Variants in NID1 observed in about 807,000 individuals in gnomAD.
NID1 encodes nidogen 1, also known as nidogen-1.
A neutral mutation model predicts 130.6 loss-of-function variants in NID1; 76 were observed. The observed-to-expected ratio is 0.58, with a 90% CI of 0.48 to 0.70. NID1 has a LOEUF of 0.70. NID1 is among the 30% of genes least tolerant of loss of function. NID1 has a pLI of 0.00. For synonymous variants in NID1, 665 were observed against 675.1 expected (o/e 0.98, Z 0.23); for missense variants, 1,517 against 1,664.8 (o/e 0.91, Z 1.54).
At chr1:235,999,970 T>C (rs1456467615) in intron 12 of NID1, among the ~76,000 whole-genome samples, 1 of 152,058 alleles carries the variant, frequency 6.6e-6, no homozygotes, top group African/African-American at 2.4e-5. Context: ...TCCCAGCGCT[T>C]TGGGAGGCTG....
At position 236,048,845 on chromosome 1, in the gene NID1, C is replaced by T. The variant is rs200384822; in HGVS notation, c.370G>A (p.Glu124Lys). 3.1e-6 allele frequency: 5 copies of T among 1,614,148 alleles called. No individual in the cohort carries two copies. Among genetic ancestry groups the T allele is most frequent in the Admixed American group, 3.3e-5 (2 of 60,008 alleles). The change falls in exon 2 of 20, where the codon GAA (glutamate) becomes AAA (lysine). Residue 124 changes from glutamate to lysine, a missense_variant. Coordinates refer to ENST00000264187, the MANE Select transcript of NID1 (RefSeq NM_002508.3). ...TDGLGKVYYREDLSPSITQRA... is the reference protein window; with the variant it reads ...TDGLGKVYYRKDLSPSITQRA... ...TGAGTGATGGAGGGGGATAAGTCTT[C>T]TCGATAATAAACCTTCCCCAGGCCA...
intron 12 of NID1, among the ~76,000 whole-genome samples, chr1:236,002,588 C>T (rs967723465): frequency 6.6e-5 from 10 of 152,186 alleles, no homozygotes; most frequent in South Asian, 2.1e-4. Flanking sequence ...GCAGCCTAGG[C>T]GCAGTGGCTG....
At chr1:236,009,056 C>T (rs767432749) in intron 12 of NID1, among the ~76,000 whole-genome samples, 13 of 152,140 alleles carry the variant, frequency 8.5e-5, no homozygotes, top group South Asian at 2.1e-4. Flanking sequence ...ACATTAGAAA[C>T]GCAGACGCAG....
At position 235,979,522 on chromosome 1, in the gene NID1, TG is replaced by T. The variant is rs1657368853; in HGVS notation, c.3509+299del. Reference sequence around the variant, plus strand: ...GGCCACGTGACCCTGGGCCAACTCCTGGGGAAAGAACAGACGTGCTGAGGAA... The same window carrying T: ...GGCCACGTGACCCTGGGCCAACTCCTGGGAAAGAACAGACGTGCTGAGGAA... On this transcript the variant is annotated intron_variant, in intron 18 of 19. Transcript: ENST00000264187. The surrounding 1 kb of genome is among the most constrained non-coding windows in gnomAD (Gnocchi z 4.6). Among the ~76,000 whole-genome samples the T allele has an allele frequency of 6.6e-6, 1 of 152,182 alleles. No individual in the cohort carries two copies. Among genetic ancestry groups the T allele is most frequent in the Non-Finnish European group, 1.5e-5 (1 of 68,030 alleles).
rs1659690355 is a variant in NID1 at position 236,048,943 on chromosome 1, T to G, written c.272A>C (p.Glu91Ala). ...IIATSEPPAK[E>A]SHPGLFPPTF... is the part of the protein sequence containing the mutation. ...TGGTGGGAAGAGCCCGGGATGGGAT[T>G]CTTTGGCCGGGGGTTCACTCGTAGC... The change falls in exon 2 of 20, where the codon GAA becomes GCA. Residue 91 changes from glutamate (E) to alanine (A), a missense_variant. Glu to Ala is a moderately radical substitution (Grantham distance 107). Transcript: ENST00000264187. 3 of 1,614,100 alleles carry G rather than the reference T, an allele frequency of 1.9e-6. No individual in the cohort carries two copies. The highest frequency in any genetic ancestry group is 2.5e-6 in the Non-Finnish European group (3 of 1,179,996).
chr1:236,046,473 G>A (rs1346039739), intron 2 of NID1, among the ~76,000 whole-genome samples: 1 of 152,070 alleles, frequency 6.6e-6, no homozygotes, highest in Non-Finnish European at 1.5e-5. Context: ...CCCATGCCAG[G>A]AGGCTGTGGT....
chr1:236,030,168 G>A (rs1056487234), intron 6 of NID1, among the ~76,000 whole-genome samples: 2 of 152,138 alleles, frequency 1.3e-5, no homozygotes, highest in Admixed American at 1.3e-4. Context: ...TGCCAGTTAC[G>A]GTGATGAATA....
chr1:235,982,127 G>A (rs1235333790), intron 15 of NID1, among the ~76,000 whole-genome samples: 2 of 152,188 alleles, frequency 1.3e-5, no homozygotes, highest in Non-Finnish European at 2.9e-5. Flanking sequence ...CCCCAGCCTG[G>A]GGAGAACAGG....
At chr1:236,028,421 T>TG (rs1659000100) in intron 7 of NID1, among the ~76,000 whole-genome samples, 1 of 152,078 alleles carries the variant, frequency 6.6e-6, no homozygotes, top group African/African-American at 2.4e-5. Context: ...GGTGGGAGGC[T>TG]CACTTGAGCC....
At position 235,977,421 on chromosome 1, in the gene NID1, T is replaced by A. The variant is rs910682520; in HGVS notation, c.*446A>T. On this transcript the variant is annotated 3_prime_UTR_variant, in exon 20 of 20. Transcript: ENST00000264187. ...GCTAATTTCCTCCTTAACTCCCAAC[T>A]TTTCCTAGTCAGGCCCCGGCTCATA... 1 of 157,614 alleles carries A rather than the reference T, an allele frequency of 6.3e-6. No individual in the cohort carries two copies. Among genetic ancestry groups the A allele is most frequent in the Admixed American group, 6.1e-5 (1 of 16,524 alleles). The allele number at this position is 157,614 out of a possible 1,614,324, so 9.8% of individuals were successfully genotyped here. A position where few individuals can be genotyped will look rare whatever the true frequency, so the allele number is the denominator to read the frequency against.
intron 1 of NID1, among the ~76,000 whole-genome samples, chr1:236,058,320 C>A (rs1221484752): frequency 6.6e-6 from 1 of 152,090 alleles, no homozygotes; most frequent in Non-Finnish European, 1.5e-5. Flanking sequence ...AACTAAATGC[C>A]CCTTTACAGA....
rs1233154008 is a variant in NID1 at position 236,024,100 on chromosome 1, C to T, written c.2098G>A (p.Gly700Ser). The T allele has an allele frequency of 5.6e-6, 9 of 1,614,206 alleles. No individual in the cohort carries two copies. Among genetic ancestry groups the T allele is most frequent in the South Asian group, 1.1e-5 (1 of 91,084 alleles). Reference sequence around the variant, plus strand: ...CAGGTTCGCCCGTCTCCTCGGAAGCCGATGGAGCACTCGCAGGTGAACTGT... The same window carrying T: ...CAGGTTCGCCCGTCTCCTCGGAAGCTGATGGAGCACTCGCAGGTGAACTGT... ...RTQFTCECSI[G>S]FRGDGRTCYD... The change falls in exon 9 of 20, where the codon GGC becomes AGC. Residue 700 changes from glycine (G) to serine (S), a missense_variant. By Grantham distance (56) the Gly-to-Ser change is moderately conservative. Coordinates refer to ENST00000264187, the MANE Select transcript of NID1 (RefSeq NM_002508.3).
In NID1 at chr1:236,025,963, G is replaced by T. The variant is rs767535442; in HGVS notation, c.1917C>A (p.Phe639Leu). The T allele has an allele frequency of 1.2e-6, 2 of 1,612,612 alleles. No homozygotes were observed. The highest frequency in any genetic ancestry group is 2.2e-5 in the South Asian group (2 of 90,954). Residue 639 changes from phenylalanine to leucine, a missense_variant, in exon 8 of 20, where the codon TTC (phenylalanine) becomes TTA (leucine). Coordinates refer to ENST00000264187, the MANE Select transcript of NID1 (RefSeq NM_002508.3). The stretch of plus-strand genomic sequence containing the variant: ...TCTTCTCCTCCTGGTTGTACAGGAC[G>T]AACACGCTGTCCACCGAGAGCTGCT... ...STQQLSVDSV[F>L]VLYNQEEKIL...
At chr1:236,023,058 C>CAAAAA (rs36037520) in intron 9 of NID1, among the ~76,000 whole-genome samples, 3 of 138,492 alleles carry the variant, frequency 2.2e-5, no homozygotes, top group Non-Finnish European at 3.1e-5. Context: ...GACGCCATCT[C>CAAAAA]AAAAAAAAAA....
At chr1:236,030,167 C>T (rs935290811) in intron 6 of NID1, among the ~76,000 whole-genome samples, 4 of 152,158 alleles carry the variant, frequency 2.6e-5, no homozygotes, top group African/African-American at 7.2e-5. Context: ...ATGCCAGTTA[C>T]GGTGATGAAT....
At position 235,978,008 on chromosome 1, in the gene NID1, G is replaced by A; in HGVS notation, c.3623-20C>T. ...TATGGCCTGGAAAAGGCAGAAATCAGTTCAATAGCCCTCTCTCTGATCTGA... is the reference window on the plus strand; with the variant it reads ...TATGGCCTGGAAAAGGCAGAAATCAATTCAATAGCCCTCTCTCTGATCTGA... On this transcript the variant is annotated intron_variant, in intron 19 of 19. Coordinates refer to ENST00000264187, the MANE Select transcript of NID1 (RefSeq NM_002508.3). 1 of 1,613,046 alleles carries A rather than the reference G, an allele frequency of 6.2e-7. No homozygotes were observed. The highest frequency in any genetic ancestry group is 8.5e-7 in the Non-Finnish European group (1 of 1,179,498).
chr1:235,991,069 G>A lies in NID1; in HGVS notation c.2756-11C>T. On this transcript the variant is annotated splice_polypyrimidine_tract_variant and intron_variant, in intron 13 of 19. Transcript: ENST00000264187. Reference sequence around the variant, plus strand: ...CCACTGTACTCAGACCTGCATGGCAGAGGGGGTCAGTGAGGGAGGCCCGTG... The same window carrying A: ...CCACTGTACTCAGACCTGCATGGCAAAGGGGGTCAGTGAGGGAGGCCCGTG... 4 of 1,564,860 alleles carry A rather than the reference G, an allele frequency of 2.6e-6. No individual in the cohort carries two copies. The highest frequency in any genetic ancestry group is 3.5e-6 in the Non-Finnish European group (4 of 1,158,070).
chr1:235,990,200 A>T (rs967978411), intron 14 of NID1, among the ~76,000 whole-genome samples: 1 of 152,256 alleles, frequency 6.6e-6, no homozygotes, highest in Admixed American at 6.5e-5. Flanking sequence ...TAGAAAAAGA[A>T]GAAAACACAA....
intron 12 of NID1, among the ~76,000 whole-genome samples, chr1:235,996,469 A>G (rs960621988): frequency 4.0e-5 from 6 of 151,580 alleles, no homozygotes; most frequent in Admixed American, 2.0e-4. Context: ...TTAAGACAGG[A>G]TTTCACTCTG....
Sources: gnomAD v4.1 joint callset for allele counts (sites outside exome capture counted in the v4.1 genomes callset) on GRCh38, gnomAD v4.1.1 for gene constraint, Gnocchi (gnomAD v3.1) non-coding constraint, MANE v1.5 for transcripts, NCBI Gene and HGNC (gene_info 2026-07-23, HGNC 2026-07-21) for gene names.